DAPP1: variants seen among roughly 807,000 people sequenced by gnomAD.
The protein encoded by DAPP1 is dual adapter for phosphotyrosine and 3-phosphotyrosine and 3-phosphoinositide.
A neutral mutation model predicts 41.5 loss-of-function variants in DAPP1; 20 were observed. That is an observed-to-expected ratio of 0.48 (90% CI 0.34 to 0.70). The LOEUF (loss-of-function observed/expected upper bound fraction) is 0.70, where lower values mean the gene tolerates loss of function less well. Among genes scored for constraint, DAPP1 ranks in the 30% least tolerant of loss-of-function variants. The pLI is 0.01. For missense variants in DAPP1, 233 were observed against 333.4 expected (o/e 0.70, Z 2.35); for synonymous variants, 113 against 116.2 (o/e 0.97, Z 0.18).
chr4:99,831,801 G>A (rs1450447233), intron 1 of DAPP1, among the ~76,000 whole-genome samples: 1 of 152,070 alleles, frequency 6.6e-6, no homozygotes, highest in Non-Finnish European at 1.5e-5. Context: ...GGTGGATAAA[G>A]AAAAATATCA....
intron 1 of DAPP1, among the ~76,000 whole-genome samples, chr4:99,819,423 T>C (rs796155262): frequency 2.6e-5 from 4 of 152,362 alleles, no homozygotes; most frequent in African/African-American, 9.6e-5. Flanking sequence ...GAATATTTAA[T>C]AATCAACTTG....
chr4:99,851,793 T>C (rs891684836), intron 3 of DAPP1, among the ~76,000 whole-genome samples: 1 of 152,104 alleles, frequency 6.6e-6, no homozygotes, highest in African/African-American at 2.4e-5. Context: ...GACCTCATGA[T>C]CCACCCACCT....
chr4:99,856,699 G>A (rs1408456776), intron 4 of DAPP1, among the ~76,000 whole-genome samples: 1 of 152,196 alleles, frequency 6.6e-6, no homozygotes, highest in Admixed American at 6.5e-5. Flanking sequence ...TTAGCCTGCT[G>A]CAGTTTCATG....
chr4:99,837,374 G>A (rs1723337649), intron 2 of DAPP1, among the ~76,000 whole-genome samples: 1 of 152,198 alleles, frequency 6.6e-6, no homozygotes, highest in Non-Finnish European at 1.5e-5. Flanking sequence ...AAAATCTACA[G>A]GCCTACTTGA....
chr4:99,860,705 G>C (rs1375716450), intron 4 of DAPP1, among the ~76,000 whole-genome samples: 1 of 152,122 alleles, frequency 6.6e-6, no homozygotes. Flanking sequence ...AAGAACCTTG[G>C]TGTCAACCAA....
intron 3 of DAPP1, among the ~76,000 whole-genome samples, chr4:99,849,272 G>A (rs1210498436): frequency 6.6e-6 from 1 of 152,184 alleles, no homozygotes; most frequent in East Asian, 1.9e-4. Flanking sequence ...GAAAAGTTAT[G>A]CCTGCGGTTA....
chr4:99,832,486 C>T (rs1246122148), intron 1 of DAPP1, among the ~76,000 whole-genome samples: 3 of 152,198 alleles, frequency 2.0e-5, no homozygotes, highest in African/African-American at 4.8e-5. Context: ...GCACCACTGA[C>T]ATCATGGAAT....
chr4:99,851,534 G>GTTTTTTTTT lies in DAPP1; in HGVS notation c.359-1668_359-1660dup, dbSNP rs537614787. Among the ~76,000 whole-genome samples, 3 of 77,758 alleles carry GTTTTTTTTT rather than the reference G, an allele frequency of 3.9e-5. 1 individual carries two copies. Among genetic ancestry groups the GTTTTTTTTT allele is most frequent in the Non-Finnish European group, 7.1e-5 (3 of 42,508 alleles). 51.0% of individuals were successfully genotyped at this position (77,758 alleles called of 152,430 possible). A position where few individuals can be genotyped will look rare whatever the true frequency, so the allele number is the denominator to read the frequency against. On this transcript the variant is annotated intron_variant, in intron 3 of 8. Coordinates refer to ENST00000512369, the MANE Select transcript of DAPP1 (RefSeq NM_014395.3). ...TCATAGACAGGTTTTGTTTTGTGTA[G>GTTTTTTTTT]TTTTTTTTTTTTTTTTTTTTTTTTG...
intron 3 of DAPP1, 58 bp from the exon 4 acceptor site, chr4:99,853,160 C>T (rs1723924408): frequency 6.3e-7 from 1 of 1,592,772 alleles, no homozygotes; most frequent in Non-Finnish European, 8.6e-7. Context: ...ATCCAGTTAG[C>T]ATTTGGACCT....
chr4:99,844,802 G>T (rs1723610955), intron 3 of DAPP1: 1 of 152,046 alleles, frequency 6.6e-6, no homozygotes, highest in East Asian at 1.9e-4. Flanking sequence ...TTTGATATGG[G>T]GATTCCCAAT....
intron 8 of DAPP1, chr4:99,866,422 G>A: frequency 1.5e-6 from 1 of 686,432 alleles, no homozygotes; most frequent in Non-Finnish European, 2.6e-6. Flanking sequence ...TCTGGAGGGG[G>A]ACATTTAGAA....
intron 4 of DAPP1, among the ~76,000 whole-genome samples, chr4:99,860,250 A>T (rs571191865): frequency 3.9e-5 from 6 of 152,368 alleles, no homozygotes; most frequent in African/African-American, 1.4e-4. Context: ...ACCTTAGAAG[A>T]ATACTACACT....
chr4:99,853,121 ACAAAAGACTTTC>A, intron 3 of DAPP1, 85 bp from the exon 4 acceptor site: 1 of 1,437,786 alleles, frequency 7.0e-7, no homozygotes, highest in Non-Finnish European at 9.4e-7. Flanking sequence ...CATGAAAAAA[ACAAAAGACTTTC>A]CAATCCAGCC....
At chr4:99,871,146 A>G (rs773836448), downstream of DAPP1, among the ~76,000 whole-genome samples, 2 of 152,166 alleles carry the variant, frequency 1.3e-5, no homozygotes, top group Non-Finnish European at 2.9e-5. Flanking sequence ...CTTGGCATGC[A>G]GGTCAGGGCA....
chr4:99,832,084 T>C (rs1429238684), intron 1 of DAPP1, among the ~76,000 whole-genome samples: 2 of 152,212 alleles, frequency 1.3e-5, no homozygotes, highest in Non-Finnish European at 2.9e-5. Context: ...TTATTCTCTC[T>C]TGGATATAGT....
chr4:99,858,961 G>A (rs1004526724), intron 4 of DAPP1, among the ~76,000 whole-genome samples: 4 of 151,954 alleles, frequency 2.6e-5, no homozygotes, highest in African/African-American at 9.7e-5. Flanking sequence ...GTGCAGTGGT[G>A]TGATCACGGC....
Position 99,866,140 on chromosome 4 carries a change from T to C in DAPP1, c.774+19T>C. On this transcript the variant is annotated intron_variant, in intron 8 of 8. Coordinates refer to ENST00000512369, the MANE Select transcript of DAPP1 (RefSeq NM_014395.3). ...GAAATTGGTGAGAATTTTTAAGCCT[T>C]CAGATGTCAAGTCTTGAGAAATAAC... The C allele has an allele frequency of 7.2e-7, 1 of 1,381,678 alleles. No individual in the cohort carries two copies. The highest frequency in any genetic ancestry group is 1.0e-6 in the Non-Finnish European group (1 of 973,090). The allele number at this position is 1,381,678 out of a possible 1,614,324, so 85.6% of individuals were successfully genotyped here.
chr4:99,829,126 A>G (rs900321902), intron 1 of DAPP1, among the ~76,000 whole-genome samples: 1 of 152,152 alleles, frequency 6.6e-6, no homozygotes, highest in Non-Finnish European at 1.5e-5. Flanking sequence ...TTTCTGTAAA[A>G]GTTAAAGAAT....
At chr4:99,824,794 G>A (rs1722883406) in intron 1 of DAPP1, among the ~76,000 whole-genome samples, 1 of 152,132 alleles carries the variant, frequency 6.6e-6, no homozygotes, top group Non-Finnish European at 1.5e-5. Flanking sequence ...AGTCATTCTA[G>A]GCCTTTTCAA....
Sources: gnomAD v4.1 joint callset for allele counts (sites outside exome capture counted in the v4.1 genomes callset) on GRCh38, gnomAD v4.1.1 for gene constraint, MANE v1.5 for transcripts, NCBI Gene and HGNC (gene_info 2026-07-23, HGNC 2026-07-21) for gene names.